Variants in CAMSAP1 observed in about 807,000 individuals in gnomAD.
The protein encoded by CAMSAP1 is calmodulin-regulated spectrin-associated protein 1.
CAMSAP1 carries 58 observed loss-of-function variants against 143.5 expected under a neutral mutation model. The observed-to-expected ratio is 0.40, with a 90% CI of 0.33 to 0.50. CAMSAP1 has a LOEUF of 0.50. Ranked by LOEUF, CAMSAP1 falls within the 20% of genes least tolerant of loss-of-function variation. The pLI is 0.45. For synonymous variants in CAMSAP1, 945 were observed against 859.3 expected (o/e 1.10, Z -1.74); for missense variants, 1,969 against 2,115.7 (o/e 0.93, Z 1.36).
At chr9:135,877,138 A>C (rs749521429) in intron 3 of CAMSAP1, among the ~76,000 whole-genome samples, 14 of 152,232 alleles carry the variant, frequency 9.2e-5, no homozygotes, top group Non-Finnish European at 1.6e-4. Flanking sequence ...TGGTATATGC[A>C]CACGATGGAA....
In CAMSAP1 at chr9:135,818,047, T is replaced by A. The variant is rs141043287; in HGVS notation, c.4201A>T (p.Ser1401Cys). The A allele has an allele frequency of 1.4e-4, 227 of 1,613,758 alleles. No individual in the cohort carries two copies. The highest frequency in any genetic ancestry group is 1.8e-4 in the Non-Finnish European group (212 of 1,179,890). The change falls in exon 14 of 17, where the codon AGC (serine) becomes TGC (cysteine). Residue 1401 changes from serine (S) to cysteine (C), a missense_variant. Physicochemically the swap from Ser to Cys is moderately radical, Grantham distance 112. Around this residue, in one of 4 missense-constraint regions of CAMSAP1, gnomAD observed 1,390 missense variants for 1,420.8 expected, o/e 0.98. Transcript: ENST00000389532. This position sits in a 1 kb window ranked among gnomAD's most constrained non-coding sequence, Gnocchi z 7.7. ...DNLSRTQSGS[S>C]LSLASAATTE... is the part of the protein sequence containing the mutation. ...GTCGCCGCAGAGGCCAAGGACAGGCTGGAGCCTGACTGAGTCCGGCTCAAG... is the reference window on the plus strand; with the variant it reads ...GTCGCCGCAGAGGCCAAGGACAGGCAGGAGCCTGACTGAGTCCGGCTCAAG...
chr9:135,835,888 G>A (rs553788264), intron 7 of CAMSAP1, among the ~76,000 whole-genome samples: 1 of 152,206 alleles, frequency 6.6e-6, no homozygotes, highest in Admixed American at 6.5e-5. Flanking sequence ...ATTGAGGCAG[G>A]AGAATCACTT....
At chr9:135,899,858 T>G (rs1020186464) in intron 1 of CAMSAP1, among the ~76,000 whole-genome samples, 1 of 152,082 alleles carries the variant, frequency 6.6e-6, no homozygotes, top group African/African-American at 2.4e-5. Flanking sequence ...GGAGTCTCCC[T>G]CCCTCTACTC....
chr9:135,848,748 G>A (rs1328686205), intron 7 of CAMSAP1, among the ~76,000 whole-genome samples: 1 of 152,188 alleles, frequency 6.6e-6, no homozygotes, highest in Non-Finnish European at 1.5e-5. Context: ...GGCACATCTG[G>A]GAGCTTCTTT....
chr9:135,850,527 T>C (rs1442676447), intron 5 of CAMSAP1, 66 bp from the exon 6 acceptor site: 8 of 1,325,032 alleles, frequency 6.0e-6, no homozygotes, highest in Admixed American at 5.5e-5. Context: ...GAGAGAAGCA[T>C]TCTAAAATGA....
intron 1 of CAMSAP1, among the ~76,000 whole-genome samples, chr9:135,885,883 G>T (rs1391631956): frequency 6.6e-6 from 1 of 152,160 alleles, no homozygotes; most frequent in African/African-American, 2.4e-5. Context: ...GGAAGACCCT[G>T]GCCAGACCCC....
At chr9:135,853,508 G>A (rs1458639684) in intron 5 of CAMSAP1, among the ~76,000 whole-genome samples, 1 of 152,248 alleles carries the variant, frequency 6.6e-6, no homozygotes, top group Admixed American at 6.5e-5. Flanking sequence ...CTGGCGACAA[G>A]TTTTCAGAAC....
intron 7 of CAMSAP1, among the ~76,000 whole-genome samples, chr9:135,828,138 C>T (rs984128903): frequency 3.9e-5 from 6 of 152,248 alleles, no homozygotes; most frequent in East Asian, 1.9e-4. Context: ...CTGGCTGGGG[C>T]GCCATTCCCT....
chr9:135,851,311 T>G (rs547748503), intron 5 of CAMSAP1, among the ~76,000 whole-genome samples: 1 of 152,324 alleles, frequency 6.6e-6, no homozygotes, highest in South Asian at 2.1e-4. Flanking sequence ...TTTTCAAGGG[T>G]TTAGAAGTAC....
At chr9:135,827,947 C>G (rs1342540464) in intron 7 of CAMSAP1, among the ~76,000 whole-genome samples, 1 of 152,224 alleles carries the variant, frequency 6.6e-6, no homozygotes, top group African/African-American at 2.4e-5. Context: ...GACAAGATGC[C>G]CACCACCCAG....
At position 135,819,154 on chromosome 9, in the gene CAMSAP1, A is replaced by C; in HGVS notation, c.3823-8T>G. 6.3e-7 allele frequency: 1 copy of C among 1,599,556 alleles called. No homozygotes were observed. The highest frequency in any genetic ancestry group is 2.3e-5 in the East Asian group (1 of 44,282). On this transcript the variant is annotated splice_polypyrimidine_tract_variant and splice_region_variant and intron_variant, in intron 11 of 16. Coordinates refer to ENST00000389532, the MANE Select transcript of CAMSAP1 (RefSeq NM_015447.4). Reference sequence around the variant, plus strand: ...TTCCGCTTTCTGTTCATCCTGCAAGACAGAGGCCACACAGAGCATGACAGG... The same window carrying C: ...TTCCGCTTTCTGTTCATCCTGCAAGCCAGAGGCCACACAGAGCATGACAGG...
chr9:135,843,368 G>A (rs554648785), intron 7 of CAMSAP1, among the ~76,000 whole-genome samples: 1 of 152,202 alleles, frequency 6.6e-6, no homozygotes, highest in East Asian at 1.9e-4. Context: ...ATTGGATAAA[G>A]AGTCAAGACC....
chr9:135,832,671 A>C (rs913995796), intron 7 of CAMSAP1, among the ~76,000 whole-genome samples: 7 of 152,372 alleles, frequency 4.6e-5, no homozygotes, highest in Admixed American at 2.0e-4. Flanking sequence ...GCTAGAACTA[A>C]TCAACGAATT....
At position 135,887,937 on chromosome 9, in the gene CAMSAP1, C is replaced by T. The variant is rs1389568764; in HGVS notation, c.161-4859G>A. The stretch of plus-strand genomic sequence containing the variant: ...TGCTGGACTGCTGTGGGGCAGGCCT[C>T]GGCGGGAGCCACACAGAAAGGCCCT... On this transcript the variant is annotated intron_variant, in intron 1 of 16. Coordinates refer to ENST00000389532, the MANE Select transcript of CAMSAP1 (RefSeq NM_015447.4). Among the ~76,000 whole-genome samples, 4 of 152,180 alleles carry T rather than the reference C, an allele frequency of 2.6e-5. 1 individual carries two copies. Among genetic ancestry groups the T allele is most frequent in the South Asian group, 4.1e-4 (2 of 4,832 alleles).
At chr9:135,891,580 C>T (rs1178379858) in intron 1 of CAMSAP1, among the ~76,000 whole-genome samples, 1 of 152,202 alleles carries the variant, frequency 6.6e-6, no homozygotes, top group Non-Finnish European at 1.5e-5. Context: ...ACAAAATCAA[C>T]GTTATCCAAA....
chr9:135,818,879 C>A lies in CAMSAP1; in HGVS notation c.3959+131G>T, dbSNP rs951035095. On this transcript the variant is annotated intron_variant, in intron 12 of 16. Coordinates refer to ENST00000389532, the MANE Select transcript of CAMSAP1 (RefSeq NM_015447.4). This position sits in a 1 kb window ranked among gnomAD's most constrained non-coding sequence, Gnocchi z 7.7. ...GCCGTGAAAGTTCGGGGAGGTGGTC[C>A]ATGGGAGGAGTAAGACCGTCACAGG... The A allele has an allele frequency of 5.8e-5, 80 of 1,390,584 alleles. 1 individual carries two copies. The highest frequency in any genetic ancestry group is 5.1e-4 in the Middle Eastern group (2 of 3,924). 86.1% of individuals were successfully genotyped at this position (1,390,584 alleles called of 1,614,324 possible).
At chr9:135,828,089 T>C (rs1193223104) in intron 7 of CAMSAP1, among the ~76,000 whole-genome samples, 2 of 152,252 alleles carry the variant, frequency 1.3e-5, no homozygotes. Context: ...GGTGGGTCCC[T>C]TCAGCTCCAG....
Position 135,818,269 on chromosome 9 carries a change from C to T in CAMSAP1, c.4168+139G>A. On this transcript the variant is annotated intron_variant, in intron 13 of 16. Transcript: ENST00000389532. This position sits in a 1 kb window ranked among gnomAD's most constrained non-coding sequence, Gnocchi z 7.7. ...TCAGAGCATCTGGTCTCAACATTGT[C>T]ATCCATGAAACGGGGATAATCATCT... is the stretch of plus-strand genomic sequence containing the variant. 1 of 1,124,314 alleles carries T rather than the reference C, an allele frequency of 8.9e-7. No homozygotes were observed. Among genetic ancestry groups the T allele is most frequent in the Non-Finnish European group, 1.3e-6 (1 of 799,428 alleles). 69.6% of individuals were successfully genotyped at this position (1,124,314 alleles called of 1,614,324 possible).
intron 3 of CAMSAP1, among the ~76,000 whole-genome samples, chr9:135,873,358 C>T (rs1837628110): frequency 6.6e-6 from 1 of 152,134 alleles, no homozygotes; most frequent in Non-Finnish European, 1.5e-5. Flanking sequence ...CTTTAAATAC[C>T]TGCCTTCAAA....
Sources: allele counts gnomAD v4.1 joint callset (sites outside exome capture counted in the v4.1 genomes callset), GRCh38; gene constraint gnomAD v4.1.1; regional missense constraint gnomAD v4.1.1; non-coding constraint Gnocchi (gnomAD v3.1); transcripts MANE v1.5; gene names NCBI Gene and HGNC (gene_info 2026-07-23, HGNC 2026-07-21).